The following ADCK2 variants were observed in gnomAD, a reference collection of about 807,000 sequenced individuals.
ADCK2 encodes aarF domain containing kinase 2, also known as uncharacterized aarF domain-containing protein kinase 2.
In ADCK2, 37 loss-of-function variants were observed where a neutral mutation model predicts 52.3. The observed-to-expected ratio is 0.71, with a 90% CI of 0.54 to 0.93. The LOEUF (loss-of-function observed/expected upper bound fraction) is 0.93. Ranked by LOEUF, ADCK2 falls within the 40% of genes least tolerant of loss-of-function variation. The probability of loss-of-function intolerance (pLI) is 0.00; values close to 1 mark genes in which losing one functional copy is unlikely to be tolerated. For missense variants in ADCK2, 695 were observed against 798.7 expected (o/e 0.87, Z 1.56); for synonymous variants, 321 against 349.2 (o/e 0.92, Z 0.90).
At chr7:140,685,852 C>T (rs762935594) in intron 4 of ADCK2, among the ~76,000 whole-genome samples, 1 of 152,102 alleles carries the variant, frequency 6.6e-6, no homozygotes, top group Non-Finnish European at 1.5e-5. Context: ...CCGAGATGAC[C>T]GGTTATTGGA....
At chr7:140,689,196 G>C (rs999414883) in intron 5 of ADCK2, among the ~76,000 whole-genome samples, 1 of 152,054 alleles carries the variant, frequency 6.6e-6, no homozygotes, top group Non-Finnish European at 1.5e-5. Context: ...TTGAACTCCT[G>C]ATCTCAGGTG....
At chr7:140,689,219 C>T (rs1337486319) in intron 5 of ADCK2, among the ~76,000 whole-genome samples, 3 of 152,040 alleles carry the variant, frequency 2.0e-5, no homozygotes, top group Admixed American at 6.6e-5. Flanking sequence ...CCACCTGCCT[C>T]GGCCTCCTAA....
chr7:140,694,622 C>T, intron 7 of ADCK2, 41 bp from the exon 8 acceptor site: 1 of 1,586,076 alleles, frequency 6.3e-7, no homozygotes, highest in Non-Finnish European at 8.6e-7. Context: ...GTCCCTGTAT[C>T]AGCATGTTCT....
At chr7:140,679,336 G>A (rs1384301472) in intron 3 of ADCK2, 53 bp downstream of exon 3, 21 of 1,603,780 alleles carry the variant, frequency 1.3e-5, no homozygotes, top group African/African-American at 2.7e-5. Context: ...CTCGCAGTGG[G>A]CCCGTCTCCA....
chr7:140,688,759 A>G (rs1020356051), intron 5 of ADCK2, among the ~76,000 whole-genome samples: 5 of 152,160 alleles, frequency 3.3e-5, no homozygotes, highest in Non-Finnish European at 7.4e-5. Context: ...GGACATGAGT[A>G]GTTTTTGCAG....
rs73736521 is a variant in ADCK2 at position 140,694,975 on chromosome 7, C to A, written c.*172C>A. 1,855 of 1,357,666 alleles carry A rather than the reference C, an allele frequency of 1.4e-3. 17 individuals are homozygous for A. The African/African-American group carries it at 0.024, about 18-fold the overall frequency. The allele number at this position is 1,357,666 out of a possible 1,614,324, so 84.1% of individuals were successfully genotyped here. ...CTTGGTTTGAGGGTCTGTTCAAAAG[C>A]TTTGGGCCAATTAGGGAGTAAAAGG... On this transcript the variant is annotated 3_prime_UTR_variant, in exon 8 of 8. Transcript: ENST00000072869.
chr7:140,684,546 C>G (rs1368033453), intron 4 of ADCK2, among the ~76,000 whole-genome samples: 1 of 152,104 alleles, frequency 6.6e-6, no homozygotes, highest in Non-Finnish European at 1.5e-5. Context: ...ATACCCAGGT[C>G]TCAGAGGCGA....
intron 2 of ADCK2, among the ~76,000 whole-genome samples, chr7:140,675,967 C>T (rs1206981098): frequency 6.6e-6 from 1 of 152,208 alleles, no homozygotes; most frequent in East Asian, 1.9e-4. Context: ...TTTTCAGAAG[C>T]AACCTGCCGA....
At chr7:140,687,397 T>C (rs1401520014) in intron 5 of ADCK2, among the ~76,000 whole-genome samples, 156 bp downstream of exon 5, 2 of 151,792 alleles carry the variant, frequency 1.3e-5, no homozygotes, top group African/African-American at 4.8e-5. Flanking sequence ...CTGAGCAACA[T>C]AGTGAGACCC....
intron 4 of ADCK2, among the ~76,000 whole-genome samples, chr7:140,684,263 C>A (rs1483092610): frequency 6.6e-6 from 1 of 152,116 alleles, no homozygotes; most frequent in East Asian, 1.9e-4. Context: ...GGCTTCTTAT[C>A]TTTCAAAAGA....
chr7:140,684,358 C>T (rs764622084), intron 4 of ADCK2, among the ~76,000 whole-genome samples: 2 of 152,134 alleles, frequency 1.3e-5, no homozygotes, highest in Non-Finnish European at 2.9e-5. Context: ...TCCTAAGCCA[C>T]GCTAGTTATG....
rs1436115767 is a variant in ADCK2 at position 140,672,964 on chromosome 7, A to G, written c.-367A>G. Among the ~76,000 whole-genome samples, 1 of 150,030 alleles carries G rather than the reference A, an allele frequency of 6.7e-6. No homozygotes were observed. The highest frequency in any genetic ancestry group is 2.4e-5 in the African/African-American group (1 of 40,880). The stretch of plus-strand genomic sequence containing the variant: ...GTGCCCGCCACCCCAGCGATCTCAT[A>G]CTGGCCCCTGGGCGCACGGTGACCC... On this transcript the variant is annotated 5_prime_UTR_variant, in exon 1 of 8. In the 5' UTR this introduces an upstream ATG that the reference lacks. Coordinates refer to ENST00000072869, the MANE Select transcript of ADCK2 (RefSeq NM_052853.4).
intron 4 of ADCK2, among the ~76,000 whole-genome samples, 168 bp from the exon 5 acceptor site, chr7:140,686,822 G>T (rs1794611468): frequency 6.6e-6 from 1 of 152,114 alleles, no homozygotes. Context: ...GCTCATCCTT[G>T]TACAAATTCT....
intron 2 of ADCK2, among the ~76,000 whole-genome samples, chr7:140,676,152 A>G (rs181969491): frequency 2.0e-5 from 3 of 152,352 alleles, no homozygotes; most frequent in African/African-American, 4.8e-5. Context: ...GCATCGGCAG[A>G]TTCGATGTCT....
At chr7:140,676,402 A>G (rs1794418367) in intron 2 of ADCK2, among the ~76,000 whole-genome samples, 1 of 152,246 alleles carries the variant, frequency 6.6e-6, no homozygotes, top group Non-Finnish European at 1.5e-5. Flanking sequence ...GAGCAATGTA[A>G]TTTGATAATA....
rs1289582898 is a variant in ADCK2, at chr7:140,678,990, C to CTA, written c.1081-164_1081-163insAT. On this transcript the variant is annotated intron_variant, in intron 2 of 7. Transcript: ENST00000072869. This position sits in a 1 kb window ranked among gnomAD's most constrained non-coding sequence, Gnocchi z 4.9. ...AGAGATCTGGGATTGCTGGGGCAGG[C>CTA]TGTAGCCCACGGATGTCGCCTCCTG... 6.6e-6 allele frequency among the ~76,000 whole-genome samples: 1 copy of CTA among 152,198 alleles called. No individual in the cohort carries two copies. Among genetic ancestry groups the CTA allele is most frequent in the East Asian group, 1.9e-4 (1 of 5,186 alleles).
chr7:140,690,662 T>C, intron 6 of ADCK2, 98 bp from the exon 7 acceptor site: 2 of 973,370 alleles, frequency 2.1e-6, no homozygotes, highest in Non-Finnish European at 1.5e-6. Flanking sequence ...GGCGGGGGAG[T>C]GGGGTGGGAT....
chr7:140,690,920 T>TTTA, intron 7 of ADCK2, 107 bp downstream of exon 7: 1 of 1,017,934 alleles, frequency 9.8e-7, no homozygotes, highest in South Asian at 1.6e-5. Context: ...GTTCTTGTTT[T>TTTA]TTGTTGTTGT....
chr7:140,679,572 A>C (rs1300259433), intron 3 of ADCK2, among the ~76,000 whole-genome samples: 1 of 152,084 alleles, frequency 6.6e-6, no homozygotes, highest in African/African-American at 2.4e-5. Flanking sequence ...TGAATGCAAA[A>C]CAAGGAGTTG....
Sources: allele counts gnomAD v4.1 joint callset (sites outside exome capture counted in the v4.1 genomes callset), GRCh38; gene constraint gnomAD v4.1.1; non-coding constraint Gnocchi (gnomAD v3.1); transcripts MANE v1.5; gene names NCBI Gene and HGNC (gene_info 2026-07-23, HGNC 2026-07-21).